PANK3: variants seen among roughly 807,000 people sequenced by gnomAD.
PANK3 encodes the protein pantothenate kinase 3, also known as hPanK3.
Under a neutral mutation model 39.4 loss-of-function variants are expected in PANK3, and 20 were observed. The ratio of observed to expected loss-of-function variants is 0.51; its 90% CI spans 0.36 to 0.74. The LOEUF is 0.74. Ranked by LOEUF, PANK3 falls within the 30% of genes least tolerant of loss-of-function variation. The pLI is 0.00. For missense variants in PANK3, 265 were observed against 437.0 expected (o/e 0.61, Z 3.51); for synonymous variants, 140 against 157.3 (o/e 0.89, Z 0.82).
rs780784388 is a variant in PANK3, at chr5:168,554,817, C to T, written c.*2754G>A. The T allele has an allele frequency of 1.3e-5, 2 of 152,298 alleles. No homozygotes were observed. Among genetic ancestry groups the T allele is most frequent in the East Asian group, 1.9e-4 (1 of 5,194 alleles). The allele number at this position is 152,298 out of a possible 1,614,324, so 9.4% of individuals were successfully genotyped here. ...ACAAGTTTTATACCTGTGGCAAATA[C>T]TGTATTAGCATCTATAGATTTAGGG... On this transcript the variant is annotated 3_prime_UTR_variant, in exon 7 of 7. Transcript: ENST00000239231.
At chr5:168,561,967 T>C (rs1457576188) in intron 4 of PANK3, among the ~76,000 whole-genome samples, 1 of 152,180 alleles carries the variant, frequency 6.6e-6, no homozygotes, top group East Asian at 1.9e-4. Context: ...AGAAATAAAA[T>C]ACGAGTAATA....
In PANK3 at chr5:168,556,773, A is replaced by C. The variant is rs993390773; in HGVS notation, c.*798T>G. The C allele has an allele frequency of 3.9e-5, 6 of 152,664 alleles. No homozygotes were observed. The highest frequency in any genetic ancestry group is 3.9e-4 in the Admixed American group (6 of 15,282). 9.5% of individuals were successfully genotyped at this position (152,664 alleles called of 1,614,324 possible). ...AATGTATATATGACCAAAACAAACA[A>C]ACAAAAAGAGCACAGTGAACTCAAA... On this transcript the variant is annotated 3_prime_UTR_variant, in exon 7 of 7. Transcript: ENST00000239231.
chr5:168,564,204 A>C, intron 3 of PANK3, 139 bp from the exon 4 acceptor site: 1 of 712,772 alleles, frequency 1.4e-6, no homozygotes, highest in Non-Finnish European at 2.1e-6. Context: ...GAAATAACAT[A>C]ACGAAGGCAA....
At chr5:168,573,795 A>C (rs1205040325) in intron 1 of PANK3, among the ~76,000 whole-genome samples, 1 of 151,064 alleles carries the variant, frequency 6.6e-6, no homozygotes, top group Non-Finnish European at 1.5e-5. Flanking sequence ...GCGATAGTTT[A>C]CTGAGAATGA....
At chr5:168,557,644 T>C in intron 6 of PANK3, 23 bp from the exon 7 acceptor site, 1 of 1,602,492 alleles carries the variant, frequency 6.2e-7, no homozygotes, top group African/African-American at 1.3e-5. Context: ...AAAATAACTG[T>C]TATGTAGTAC....
intron 6 of PANK3, among the ~76,000 whole-genome samples, chr5:168,558,370 T>C (rs1385298504): frequency 1.3e-5 from 2 of 152,044 alleles, no homozygotes; most frequent in Non-Finnish European, 2.9e-5. Flanking sequence ...TCACCGTTGT[T>C]AGCCAGGATG....
At position 168,553,122 on chromosome 5, in the gene PANK3, T is replaced by C. The variant is rs1759297579; in HGVS notation, c.*4449A>G. The C allele has an allele frequency of 4.5e-6, 2 of 448,648 alleles. No individual in the cohort carries two copies. Among genetic ancestry groups the C allele is most frequent in the Non-Finnish European group, 8.8e-6 (2 of 227,284 alleles). 27.8% of individuals were successfully genotyped at this position (448,648 alleles called of 1,614,324 possible). On this transcript the variant is annotated 3_prime_UTR_variant, in exon 7 of 7. Transcript: ENST00000239231. The stretch of plus-strand genomic sequence containing the variant: ...GACTTCCAGGGCAAAATGGAAGGGC[T>C]ACACTTTATAGGACAGCTGGAAGGA...
chr5:168,561,534 A>G lies in PANK3; in HGVS notation c.813-18T>C. On this transcript the variant is annotated intron_variant, in intron 4 of 6. Transcript: ENST00000239231. ...TCCCAAAACTGCAGAAAAATGAAAA[A>G]TAAAGTCAAATCTGCTGATAAAAAG... 6.4e-7 allele frequency: 1 copy of G among 1,552,336 alleles called. No individual in the cohort carries two copies. The highest frequency in any genetic ancestry group is 8.7e-7 in the Non-Finnish European group (1 of 1,152,046).
rs1759331127 is a variant in PANK3, at chr5:168,555,278, T to G, written c.*2293A>C. Reference sequence around the variant, plus strand: ...TCTTTTTTTTGAGACAGAGTCTCACTCTGTCGCCCAGGCTGGAGTGCAGTG... The same window carrying G: ...TCTTTTTTTTGAGACAGAGTCTCACGCTGTCGCCCAGGCTGGAGTGCAGTG... On this transcript the variant is annotated 3_prime_UTR_variant, in exon 7 of 7. Coordinates refer to ENST00000239231, the MANE Select transcript of PANK3 (RefSeq NM_024594.4). The G allele has an allele frequency of 6.6e-6, 1 of 152,238 alleles. No homozygotes were observed. The highest frequency in any genetic ancestry group is 2.4e-5 in the African/African-American group (1 of 41,456). 9.4% of individuals were successfully genotyped at this position (152,238 alleles called of 1,614,324 possible). A position where few individuals can be genotyped will look rare whatever the true frequency, so the allele number is the denominator to read the frequency against.
At chr5:168,566,899 C>A (rs781139757) in intron 2 of PANK3, among the ~76,000 whole-genome samples, 1 of 152,258 alleles carries the variant, frequency 6.6e-6, no homozygotes, top group Middle Eastern at 3.4e-3. Flanking sequence ...CCCGCCACCA[C>A]GCCTGGCTAA....
chr5:168,576,390 T>C lies in PANK3; in HGVS notation c.28+2866A>G, dbSNP rs142437753. Among the ~76,000 whole-genome samples, 183 of 152,342 alleles carry C rather than the reference T, an allele frequency of 1.2e-3. 2 individuals are homozygous for C. In the Middle Eastern group the frequency reaches 0.031, roughly 25 times the overall value. Reference sequence around the variant, plus strand: ...ACCTTGTTAATCCAGTTACATGCTATACAGGTAACCCAAACACAATCTTAA... The same window carrying C: ...ACCTTGTTAATCCAGTTACATGCTACACAGGTAACCCAAACACAATCTTAA... On this transcript the variant is annotated intron_variant, in intron 1 of 6. Transcript: ENST00000239231.
intron 1 of PANK3, among the ~76,000 whole-genome samples, chr5:168,575,995 A>G (rs571831378): frequency 1.8e-4 from 27 of 152,330 alleles, no homozygotes; most frequent in African/African-American, 6.5e-4. Flanking sequence ...ACTATTCTCA[A>G]TAATCATTCC....
chr5:168,549,072 A>G lies in PANK3; in HGVS notation c.*8499T>C, dbSNP rs1759235800. The G allele has an allele frequency of 6.6e-6, 1 of 152,242 alleles. No homozygotes were observed. The highest frequency in any genetic ancestry group is 2.4e-5 in the African/African-American group (1 of 41,468). The allele number at this position is 152,242 out of a possible 1,614,324, so 9.4% of individuals were successfully genotyped here. On this transcript the variant is annotated 3_prime_UTR_variant, in exon 7 of 7. Transcript: ENST00000239231. The stretch of plus-strand genomic sequence containing the variant: ...TGGTCATTAAGATAAACGCCATTCA[A>G]TTTTAGTTAAAAAATCAGTTTTTTG...
intron 4 of PANK3, 123 bp from the exon 5 acceptor site, chr5:168,561,639 G>A: frequency 3.9e-6 from 3 of 776,700 alleles, no homozygotes; most frequent in South Asian, 7.1e-5. Context: ...AAACACATAG[G>A]GATAAGATCA....
intron 1 of PANK3, among the ~76,000 whole-genome samples, chr5:168,571,798 A>G (rs986247157): frequency 2.0e-5 from 3 of 152,192 alleles, no homozygotes; most frequent in Non-Finnish European, 2.9e-5. Context: ...AGTAATCCTC[A>G]TTATCTTCTT....
At chr5:168,578,012 A>C (rs1759755032) in intron 1 of PANK3, among the ~76,000 whole-genome samples, 1 of 152,240 alleles carries the variant, frequency 6.6e-6, no homozygotes, top group African/African-American at 2.4e-5. Flanking sequence ...GACAGGATCT[A>C]TTCAGTTATA....
intron 1 of PANK3, 102 bp downstream of exon 1, chr5:168,579,154 G>T: frequency 9.1e-7 from 1 of 1,103,882 alleles, no homozygotes; most frequent in Non-Finnish European, 1.2e-6. Flanking sequence ...CGAAGCGCCG[G>T]CGAGGAGCGA....
chr5:168,567,025 T>A (rs1759546765), intron 2 of PANK3, among the ~76,000 whole-genome samples: 1 of 152,220 alleles, frequency 6.6e-6, no homozygotes, highest in South Asian at 2.1e-4. Context: ...ATTACAGGCG[T>A]GAGCCACTGT....
intron 1 of PANK3, among the ~76,000 whole-genome samples, chr5:168,569,631 G>C (rs1341977901): frequency 1.3e-5 from 2 of 152,078 alleles, no homozygotes; most frequent in African/African-American, 4.8e-5. Flanking sequence ...AAAAAATTCA[G>C]ATCATTCTTT....
Sources: allele counts gnomAD v4.1 joint callset (sites outside exome capture counted in the v4.1 genomes callset), GRCh38; gene constraint gnomAD v4.1.1; transcripts MANE v1.5; gene names NCBI Gene and HGNC (gene_info 2026-07-23, HGNC 2026-07-21).